Variants in RNF144B observed in about 807,000 individuals in gnomAD.
RNF144B encodes ring finger protein 144B.
A neutral mutation model predicts 40.2 loss-of-function variants in RNF144B; 25 were observed. The observed-to-expected ratio is 0.62, with a 90% CI of 0.45 to 0.87. RNF144B has a LOEUF of 0.87. Ranked by LOEUF, RNF144B falls within the 40% of genes least tolerant of loss-of-function variation. The probability of loss-of-function intolerance (pLI) is 0.00; values close to 1 mark genes in which losing one functional copy is unlikely to be tolerated. For synonymous variants in RNF144B, 145 were observed against 136.3 expected, an observed-to-expected ratio of 1.06 and a Z score of -0.44; for missense variants, 365 against 373.7, an observed-to-expected ratio of 0.98 and a Z score of 0.19.
chr6:18,403,465 G>C (rs1582402615), intron 2 of RNF144B, among the ~76,000 whole-genome samples: 1 of 152,208 alleles, frequency 6.6e-6, no homozygotes, highest in South Asian at 2.1e-4. Context: ...AGAAAATAAA[G>C]TCCAGCCATA....
intron 1 of RNF144B, among the ~76,000 whole-genome samples, chr6:18,390,388 A>G (rs1051878131): frequency 2.6e-5 from 4 of 152,256 alleles, no homozygotes; most frequent in African/African-American, 9.6e-5. Flanking sequence ...GCATCATACC[A>G]TAGTTGTTAT....
At chr6:18,435,586 C>T (rs1038720646) in intron 3 of RNF144B, among the ~76,000 whole-genome samples, 4 of 152,084 alleles carry the variant, frequency 2.6e-5, no homozygotes, top group Admixed American at 1.3e-4. Flanking sequence ...CAGGATTTTG[C>T]GTAGTTTCAG....
chr6:18,419,939 G>A lies in RNF144B; in HGVS notation c.166-7642G>A, dbSNP rs1193737823. The stretch of plus-strand genomic sequence containing the variant: ...AGGAAAGAAAACAGGTAATGAATAG[G>A]TAAATTTCCTGAAAGGCAGGAGGAG... On this transcript the variant is annotated intron_variant, in intron 2 of 7. Coordinates refer to ENST00000259939, the MANE Select transcript of RNF144B (RefSeq NM_182757.4). This position sits in a 1 kb window ranked among gnomAD's most constrained non-coding sequence, Gnocchi z 4.6. Among the ~76,000 whole-genome samples, 1 of 152,120 alleles carries A rather than the reference G, an allele frequency of 6.6e-6. No individual in the cohort carries two copies. Among genetic ancestry groups the A allele is most frequent in the East Asian group, 1.9e-4 (1 of 5,196 alleles).
Position 18,442,569 on chromosome 6 carries a change from G to A in RNF144B, c.331+2825G>A, listed in dbSNP as rs1758988188. Among the ~76,000 whole-genome samples, 2 of 152,116 alleles carry A rather than the reference G, an allele frequency of 1.3e-5. No homozygotes were observed. The highest frequency in any genetic ancestry group is 1.5e-5 in the Non-Finnish European group (1 of 68,032). ...TATTAAACATATACCTAACATAAAAGTTGCCATTTAAACCATTTTTAGATG... is the reference window on the plus strand; with the variant it reads ...TATTAAACATATACCTAACATAAAAATTGCCATTTAAACCATTTTTAGATG... On this transcript the variant is annotated intron_variant, in intron 4 of 7. Coordinates refer to ENST00000259939, the MANE Select transcript of RNF144B (RefSeq NM_182757.4). This position sits in a 1 kb window ranked among gnomAD's most constrained non-coding sequence, Gnocchi z 4.3.
At chr6:18,407,381 T>C (rs1414491494) in intron 2 of RNF144B, among the ~76,000 whole-genome samples, 3 of 152,174 alleles carry the variant, frequency 2.0e-5, no homozygotes, top group Non-Finnish European at 4.4e-5. Flanking sequence ...TTTTCTTTCA[T>C]GTAATATAGG....
chr6:18,413,035 AT>A (rs34172748), intron 2 of RNF144B, among the ~76,000 whole-genome samples: 1 of 152,192 alleles, frequency 6.6e-6, no homozygotes, highest in Admixed American at 6.5e-5. Flanking sequence ...CAAGGGTACT[AT>A]TTTTTCCCCC....
chr6:18,400,646 A>G lies in RNF144B; in HGVS notation c.165+947A>G, dbSNP rs540954367. Among the ~76,000 whole-genome samples, 1 of 152,340 alleles carries G rather than the reference A, an allele frequency of 6.6e-6. No homozygotes were observed. The highest frequency in any genetic ancestry group is 2.4e-5 in the African/African-American group (1 of 41,570). On this transcript the variant is annotated intron_variant, in intron 2 of 7. Transcript: ENST00000259939. This position sits in a 1 kb window ranked among gnomAD's most constrained non-coding sequence, Gnocchi z 5.6. ...AATAGATTGAGTTCCTGTAGGCTTCAGTGATGACACAGAATAGCATTGTTC... is the reference window on the plus strand; with the variant it reads ...AATAGATTGAGTTCCTGTAGGCTTCGGTGATGACACAGAATAGCATTGTTC...
Position 18,387,650 on chromosome 6 carries a change from T to C in RNF144B, c.-37+20T>C, listed in dbSNP as rs756079338. ...TGCCAGGTAGGTTTAGCGAGCTTTT[T>C]AAAGGCTACAGGCGTTGCAAGACCG... On this transcript the variant is annotated intron_variant, in intron 1 of 7. Transcript: ENST00000259939. The C allele has an allele frequency of 7.7e-7, 1 of 1,292,928 alleles. No individual in the cohort carries two copies. Among genetic ancestry groups the C allele is most frequent in the South Asian group, 1.2e-5 (1 of 81,164 alleles). 80.1% of individuals were successfully genotyped at this position (1,292,928 alleles called of 1,614,324 possible).
intron 4 of RNF144B, among the ~76,000 whole-genome samples, chr6:18,449,951 A>T (rs1169051750): frequency 3.3e-5 from 5 of 152,216 alleles, no homozygotes; most frequent in Non-Finnish European, 7.3e-5. Context: ...AAATAGAGAA[A>T]GTAGATGGAA....
chr6:18,430,936 A>G (rs915752060), intron 3 of RNF144B, among the ~76,000 whole-genome samples: 1 of 152,084 alleles, frequency 6.6e-6, no homozygotes, highest in Admixed American at 6.5e-5. Context: ...CAAACCCATA[A>G]TGAGTCTTAA....
At position 18,441,187 on chromosome 6, in the gene RNF144B, C is replaced by G. The variant is rs1012873801; in HGVS notation, c.331+1443C>G. On this transcript the variant is annotated intron_variant, in intron 4 of 7. Coordinates refer to ENST00000259939, the MANE Select transcript of RNF144B (RefSeq NM_182757.4). The surrounding 1 kb of genome is among the most constrained non-coding windows in gnomAD (Gnocchi z 4.9). ...TAAAGATAAGAGCATCAACCATCTG[C>G]CCTGCCATTTTCCCACTTTATCCCA... Among the ~76,000 whole-genome samples the G allele has an allele frequency of 3.3e-5, 5 of 152,090 alleles. No homozygotes were observed. The highest frequency in any genetic ancestry group is 1.2e-4 in the African/African-American group (5 of 41,420).
At chr6:18,461,193 T>C (rs1466002588) in intron 6 of RNF144B, among the ~76,000 whole-genome samples, 1 of 152,164 alleles carries the variant, frequency 6.6e-6, no homozygotes, top group East Asian at 1.9e-4. Context: ...AGAAGAGGTA[T>C]AAACTGAGGA....
intron 3 of RNF144B, among the ~76,000 whole-genome samples, chr6:18,430,374 G>A (rs1234661958): frequency 1.3e-5 from 2 of 152,194 alleles, no homozygotes; most frequent in African/African-American, 4.8e-5. Flanking sequence ...CTAATGTAAG[G>A]GGCCAGTGTG....
At chr6:18,415,421 G>T (rs185441311) in intron 2 of RNF144B, among the ~76,000 whole-genome samples, 10 of 152,232 alleles carry the variant, frequency 6.6e-5, no homozygotes, top group Admixed American at 6.5e-4. Flanking sequence ...GCTTCCTCTG[G>T]AGGGGAGAAA....
chr6:18,452,732 G>GT (rs1246470251), intron 4 of RNF144B, among the ~76,000 whole-genome samples: 1 of 151,344 alleles, frequency 6.6e-6, no homozygotes, highest in African/African-American at 2.4e-5. Context: ...TAACTGTTAT[G>GT]TTTTTTTAAT....
At chr6:18,461,957 T>C (rs1759465241) in intron 6 of RNF144B, among the ~76,000 whole-genome samples, 1 of 152,184 alleles carries the variant, frequency 6.6e-6, no homozygotes, top group Non-Finnish European at 1.5e-5. Context: ...TTACGCTTAA[T>C]TGTCTGCTTT....
rs1759404472 is a variant in RNF144B at position 18,459,471 on chromosome 6, T to C, written c.537-136T>C. ...TGAGTTATCTGTACATCTAATAATG[T>C]TTTTGCCCACACCCTTTCTTTTGGA... On this transcript the variant is annotated intron_variant, in intron 5 of 7. Transcript: ENST00000259939. This position sits in a 1 kb window ranked among gnomAD's most constrained non-coding sequence, Gnocchi z 4.2. 6.6e-6 allele frequency: 5 copies of C among 762,552 alleles called. No homozygotes were observed. The Admixed American group carries it at 1.3e-4, about 20-fold the overall frequency. The allele number at this position is 762,552 out of a possible 1,614,324, so 47.2% of individuals were successfully genotyped here.
intron 2 of RNF144B, among the ~76,000 whole-genome samples, chr6:18,411,198 T>C (rs1469810661): frequency 6.6e-6 from 1 of 151,808 alleles, no homozygotes; most frequent in African/African-American, 2.4e-5. Context: ...TTAGCCAGGA[T>C]GGTCTCGATC....
chr6:18,447,871 G>T lies in RNF144B; in HGVS notation c.331+8127G>T, dbSNP rs1255909610. ...GACACTATAGGTTTTAGAAGAGGTG[G>T]ATCTGGCAAAGGAGATTGACAAAGG... On this transcript the variant is annotated intron_variant, in intron 4 of 7. Transcript: ENST00000259939. This position sits in a 1 kb window ranked among gnomAD's most constrained non-coding sequence, Gnocchi z 5.6. Among the ~76,000 whole-genome samples, 1 of 152,158 alleles carries T rather than the reference G, an allele frequency of 6.6e-6. No homozygotes were observed. The highest frequency in any genetic ancestry group is 2.4e-5 in the African/African-American group (1 of 41,440).
Sources: gnomAD v4.1 joint callset for allele counts (sites outside exome capture counted in the v4.1 genomes callset) on GRCh38, gnomAD v4.1.1 for gene constraint, Gnocchi (gnomAD v3.1) non-coding constraint, MANE v1.5 for transcripts, NCBI Gene and HGNC (gene_info 2026-07-23, HGNC 2026-07-21) for gene names.